Variants in ZBTB20 observed in about 807,000 individuals in gnomAD.
ZBTB20 encodes the protein zinc finger and BTB domain containing 20.
Under a neutral mutation model 56.9 loss-of-function variants are expected in ZBTB20, and 9 were observed. The ratio of observed to expected loss-of-function variants is 0.16; its 90% confidence interval spans 0.10 to 0.28. The LOEUF is 0.28. Ranked by LOEUF, ZBTB20 falls within the 10% of genes least tolerant of loss-of-function variation. The probability of loss-of-function intolerance (pLI) is 1.00; values close to 1 mark genes in which losing one functional copy is unlikely to be tolerated. For missense variants in ZBTB20, 655 were observed against 1,003.0 expected (o/e 0.65, Z 4.69); for synonymous variants, 417 against 420.7 (o/e 0.99, Z 0.11).
chr3:115,101,149 G>A (rs547735148), intron 1 of ZBTB20, among the ~76,000 whole-genome samples: 8 of 152,290 alleles, frequency 5.3e-5, no homozygotes, highest in Admixed American at 2.0e-4. Context: ...ATAGTACATA[G>A]TGGTACAACA....
chr3:115,100,179 T>C (rs999522832), intron 1 of ZBTB20: 1 of 152,134 alleles, frequency 6.6e-6, no homozygotes, highest in Non-Finnish European at 1.5e-5. Context: ...CCCTACCTTC[T>C]TCCCCAGCGC....
chr3:114,800,554 C>T (rs577012033), intron 5 of ZBTB20, among the ~76,000 whole-genome samples: 6 of 151,866 alleles, frequency 4.0e-5, no homozygotes, highest in African/African-American at 7.2e-5. Context: ...GGGGAACACA[C>T]GCACACAAGG....
At chr3:114,414,523 T>A (rs1451110223) in intron 7 of ZBTB20, among the ~76,000 whole-genome samples, 1 of 151,988 alleles carries the variant, frequency 6.6e-6, no homozygotes, top group Non-Finnish European at 1.5e-5. Context: ...AATGCAAGAG[T>A]GTTGCTAGCC....
At chr3:114,521,103 TA>T (rs1331828588) in intron 6 of ZBTB20, among the ~76,000 whole-genome samples, 1 of 152,178 alleles carries the variant, frequency 6.6e-6, no homozygotes, top group Admixed American at 6.5e-5. Flanking sequence ...CTTTACCTGT[TA>T]AAAACACACA....
chr3:114,850,477 T>C (rs1424607609), intron 4 of ZBTB20, among the ~76,000 whole-genome samples: 1 of 152,214 alleles, frequency 6.6e-6, no homozygotes, highest in African/African-American at 2.4e-5. Flanking sequence ...GAGCTTAATA[T>C]GTATACACCC....
intron 5 of ZBTB20, among the ~76,000 whole-genome samples, chr3:114,737,798 T>C (rs1364675313): frequency 6.6e-6 from 1 of 152,172 alleles, no homozygotes; most frequent in Admixed American, 6.5e-5. Flanking sequence ...ATCTTCCCTT[T>C]TTGAGGTGAA....
intron 3 of ZBTB20, among the ~76,000 whole-genome samples, chr3:114,954,248 AGGTACGT>A (rs1289682952): frequency 1.3e-5 from 2 of 152,164 alleles, no homozygotes; most frequent in African/African-American, 4.8e-5. Flanking sequence ...CTTATATAAA[AGGTACGT>A]GGTACTTGCT....
At chr3:114,689,748 TA>T (rs771676733) in intron 6 of ZBTB20, among the ~76,000 whole-genome samples, 1 of 152,176 alleles carries the variant, frequency 6.6e-6, no homozygotes, top group African/African-American at 2.4e-5. Context: ...TGGATCTTTT[TA>T]AAAGGCAGTT....
chr3:114,506,792 G>T (rs997743046), intron 6 of ZBTB20, among the ~76,000 whole-genome samples: 2 of 152,092 alleles, frequency 1.3e-5, no homozygotes, highest in African/African-American at 4.8e-5. Context: ...TTCACAATCT[G>T]GCCCCGGCCC....
chr3:114,633,743 G>C (rs1449450404), intron 6 of ZBTB20, among the ~76,000 whole-genome samples: 3 of 152,122 alleles, frequency 2.0e-5, no homozygotes, highest in African/African-American at 4.8e-5. Flanking sequence ...TCTTGTAAAT[G>C]CTTTGCAATG....
At chr3:114,829,969 T>C (rs1450901942) in intron 4 of ZBTB20, among the ~76,000 whole-genome samples, 1 of 151,934 alleles carries the variant, frequency 6.6e-6, no homozygotes, top group Non-Finnish European at 1.5e-5. Context: ...TCAGACAGCA[T>C]TCCTATGTGC....
At chr3:114,445,270 T>C (rs1190615280) in intron 7 of ZBTB20, among the ~76,000 whole-genome samples, 2 of 152,186 alleles carry the variant, frequency 1.3e-5, no homozygotes, top group East Asian at 3.8e-4. Flanking sequence ...TAGGAAAAAG[T>C]ACTGTCCATA....
chr3:114,721,106 A>C (rs938934884), intron 5 of ZBTB20, among the ~76,000 whole-genome samples: 1 of 152,186 alleles, frequency 6.6e-6, no homozygotes, highest in Non-Finnish European at 1.5e-5. Context: ...GAATTGTAAT[A>C]GGAAACAATG....
chr3:114,325,239 G>GA lies in ZBTB20; in HGVS notation c.*13765dup, dbSNP rs2079025394. ...GGCCTAAAGAAGAAGTTTAGCAGCT[G>GA]AAAATACCTTTGAGAATTTTCTCCT... On this transcript the variant is annotated 3_prime_UTR_variant, in exon 12 of 12. Coordinates refer to ENST00000675478, the MANE Select transcript of ZBTB20 (RefSeq NM_001348800.3). The GA allele has an allele frequency of 6.6e-6, 1 of 152,152 alleles. No homozygotes were observed. Among genetic ancestry groups the GA allele is most frequent in the African/African-American group, 2.4e-5 (1 of 41,422 alleles). The allele number at this position is 152,152 out of a possible 1,614,324, so 9.4% of individuals were successfully genotyped here. A position where few individuals can be genotyped will look rare whatever the true frequency, so the allele number is the denominator to read the frequency against.
chr3:114,437,317 T>C (rs2090583612), intron 7 of ZBTB20, among the ~76,000 whole-genome samples: 1 of 152,144 alleles, frequency 6.6e-6, no homozygotes, highest in Admixed American at 6.6e-5. Flanking sequence ...TGCTCCATGG[T>C]TGTGCTGTTG....
At chr3:114,591,471 T>C (rs2055755982) in intron 6 of ZBTB20, among the ~76,000 whole-genome samples, 2 of 152,202 alleles carry the variant, frequency 1.3e-5, no homozygotes, top group African/African-American at 4.8e-5. Flanking sequence ...ATAAGACTTA[T>C]AAGATTCAAA....
chr3:115,126,808 G>A (rs1560592121), intron 1 of ZBTB20, among the ~76,000 whole-genome samples: 1 of 152,164 alleles, frequency 6.6e-6, no homozygotes, highest in Non-Finnish European at 1.5e-5. Flanking sequence ...GGAAATGTGA[G>A]TTTTGATGTT....
chr3:115,123,860 C>T (rs2084250392), intron 1 of ZBTB20, among the ~76,000 whole-genome samples: 1 of 152,286 alleles, frequency 6.6e-6, no homozygotes, highest in Middle Eastern at 3.4e-3. Flanking sequence ...GGTTTCTAAA[C>T]TATCAAAAAG....
chr3:114,748,348 TC>T (rs1560202398), intron 5 of ZBTB20, among the ~76,000 whole-genome samples: 20 of 27,378 alleles, frequency 7.3e-4, no homozygotes, highest in African/African-American at 1.4e-3. Context: ...TTTCTTTCTT[TC>T]TTTTCTCTCT....
Sources: gnomAD v4.1 joint callset for allele counts (sites outside exome capture counted in the v4.1 genomes callset) on GRCh38, gnomAD v4.1.1 for gene constraint, MANE v1.5 for transcripts, NCBI Gene and HGNC (gene_info 2026-07-23, HGNC 2026-07-21) for gene names.